The following PDE1B variants were observed in gnomAD, a reference collection of about 807,000 sequenced individuals.
PDE1B encodes phosphodiesterase 1B, also known as dual specificity calcium/calmodulin-dependent 3',5'-cyclic nucleotide phosphodiesterase 1B.
Under a neutral mutation model 66.7 loss-of-function variants are expected in PDE1B, and 13 were observed. The ratio of observed to expected loss-of-function variants is 0.19; its 90% CI spans 0.13 to 0.31. The LOEUF (loss-of-function observed/expected upper bound fraction) is 0.31. Ranked by LOEUF, PDE1B falls within the 10% of genes least tolerant of loss-of-function variation. The pLI is 1.00. For missense variants in PDE1B, 485 were observed against 682.3 expected (o/e 0.71, Z 3.22); for synonymous variants, 230 against 253.9 (o/e 0.91, Z 0.90).
At position 54,575,791 on chromosome 12, in the gene PDE1B, G is replaced by A; in HGVS notation, c.1267+159G>A. On this transcript the variant is annotated intron_variant, in intron 12 of 15. Transcript: ENST00000243052. The surrounding 1 kb of genome is among the most constrained non-coding windows in gnomAD (Gnocchi z 4.0). Reference sequence around the variant, plus strand: ...GGGTCCTGGGTTAGGAGGCCAGGGGGCTGCAATGGCAGGAAGGAGCTCTCT... The same window carrying A: ...GGGTCCTGGGTTAGGAGGCCAGGGGACTGCAATGGCAGGAAGGAGCTCTCT... The A allele has an allele frequency of 8.4e-6, 6 of 717,910 alleles. No homozygotes were observed. Among genetic ancestry groups the A allele is most frequent in the Middle Eastern group, 2.4e-4 (1 of 4,190 alleles). The allele number at this position is 717,910 out of a possible 1,614,324, so 44.5% of individuals were successfully genotyped here. A position where few individuals can be genotyped will look rare whatever the true frequency, so the allele number is the denominator to read the frequency against.
In PDE1B at chr12:54,570,279, C is replaced by G; in HGVS notation, c.516C>G (p.Asn172Lys). ...DLWCFDVFSL[N>K]QAADDHALRT... ...GGTGCTTTGATGTCTTTTCCTTGAA[C>G]CAGGCAGCAGATGACCATGCCCTGA... The change falls in exon 6 of 16, where the codon AAC (asparagine) becomes AAG (lysine). Residue 172 changes from asparagine (N) to lysine (K), a missense_variant. Transcript: ENST00000243052. 6 of 1,613,468 alleles carry G rather than the reference C, an allele frequency of 3.7e-6. No homozygotes were observed. Among genetic ancestry groups the G allele is most frequent in the Non-Finnish European group, 5.1e-6 (6 of 1,179,450 alleles).
chr12:54,573,982 G>T lies in PDE1B; in HGVS notation c.1064+273G>T. The T allele has an allele frequency of 2.1e-6, 1 of 471,110 alleles. No homozygotes were observed. The highest frequency in any genetic ancestry group is 3.8e-6 in the Non-Finnish European group (1 of 261,304). The allele number at this position is 471,110 out of a possible 1,614,324, so 29.2% of individuals were successfully genotyped here. On this transcript the variant is annotated intron_variant, in intron 10 of 15. Transcript: ENST00000243052. This position sits in a 1 kb window ranked among gnomAD's most constrained non-coding sequence, Gnocchi z 5.2. ...GCTTTGGGCTGGGAATCTAAGATGGGGGTTCTCATCGTAGCTCTGGGACAG... is the reference window on the plus strand; with the variant it reads ...GCTTTGGGCTGGGAATCTAAGATGGTGGTTCTCATCGTAGCTCTGGGACAG...
intron 2 of PDE1B, among the ~76,000 whole-genome samples, chr12:54,558,949 C>T (rs1957372812): frequency 6.6e-6 from 1 of 152,188 alleles, no homozygotes; most frequent in Admixed American, 6.5e-5. Flanking sequence ...TTCTGTGAAG[C>T]ATGTATTATT....
intron 2 of PDE1B, among the ~76,000 whole-genome samples, chr12:54,564,953 A>G (rs533451006): frequency 5.9e-5 from 9 of 152,294 alleles, no homozygotes; most frequent in African/African-American, 2.2e-4. Context: ...GGAAATGGCA[A>G]TTCCTTCCCC....
intron 2 of PDE1B, among the ~76,000 whole-genome samples, chr12:54,562,548 A>G (rs894487841): frequency 6.6e-6 from 1 of 152,180 alleles, no homozygotes; most frequent in African/African-American, 2.4e-5. Flanking sequence ...AGATTCCTTG[A>G]TGGCTGAAAC....
chr12:54,550,001 G>A lies in PDE1B; in HGVS notation c.113+16G>A. On this transcript the variant is annotated intron_variant, in intron 2 of 15. Transcript: ENST00000243052. ...TTCGGTCTCTGTAAGTCCCCGGCCC[G>A]GGAATGGGGGGAAGGGACCTTAGGG... 1 of 1,612,392 alleles carries A rather than the reference G, an allele frequency of 6.2e-7. No individual in the cohort carries two copies. Among genetic ancestry groups the A allele is most frequent in the Middle Eastern group, 1.7e-4 (1 of 6,054 alleles).
chr12:54,573,581 AT>A lies in PDE1B; in HGVS notation c.963-25del. ...CTGCCCAGCAGCGCTGAGGGGACTG[AT>A]TGCTTCTCTTTTTATGTCCGCTCAG... On this transcript the variant is annotated intron_variant, in intron 9 of 15. Coordinates refer to ENST00000243052, the MANE Select transcript of PDE1B (RefSeq NM_000924.4). The surrounding 1 kb of genome is among the most constrained non-coding windows in gnomAD (Gnocchi z 5.2). The A allele has an allele frequency of 6.2e-7, 1 of 1,612,416 alleles. No individual in the cohort carries two copies. Among genetic ancestry groups the A allele is most frequent in the South Asian group, 1.1e-5 (1 of 91,032 alleles).
chr12:54,576,490 T>C (rs1957750779), intron 13 of PDE1B, 81 bp from the exon 14 acceptor site: 4 of 1,545,072 alleles, frequency 2.6e-6, no homozygotes, highest in African/African-American at 1.4e-5. Context: ...TGGTCTTCCA[T>C]GTCCTGCACT....
chr12:54,561,790 C>T (rs1957420490), intron 2 of PDE1B, among the ~76,000 whole-genome samples: 1 of 151,234 alleles, frequency 6.6e-6, no homozygotes, highest in Non-Finnish European at 1.5e-5. Flanking sequence ...GTGCGCGTGC[C>T]AACTTCACCT....
intron 2 of PDE1B, chr12:54,561,761 C>T (rs778661397): frequency 4.8e-5 from 21 of 440,402 alleles, no homozygotes; most frequent in African/African-American, 1.8e-4. Context: ...ATGTTTTGTG[C>T]GTGTGTGTGT....
rs891726450 is a variant in PDE1B, at chr12:54,573,794, G to A, written c.1064+85G>A. ...GGGTATACACAAGGGTAGTTGGTGT[G>A]CCAGGTCTTTACCTCGCTGTAGAGA... On this transcript the variant is annotated intron_variant, in intron 10 of 15. Transcript: ENST00000243052. This position sits in a 1 kb window ranked among gnomAD's most constrained non-coding sequence, Gnocchi z 5.2. 6.2e-6 allele frequency: 6 copies of A among 971,366 alleles called. No individual in the cohort carries two copies. Among genetic ancestry groups the A allele is most frequent in the Non-Finnish European group, 8.3e-6 (5 of 603,726 alleles). The allele number at this position is 971,366 out of a possible 1,614,324, so 60.2% of individuals were successfully genotyped here.
intron 3 of PDE1B, among the ~76,000 whole-genome samples, chr12:54,568,156 C>A (rs1032001891): frequency 1.3e-5 from 2 of 152,106 alleles, no homozygotes; most frequent in Non-Finnish European, 2.9e-5. Flanking sequence ...CGCGCCCAGC[C>A]GATATCTCAT....
chr12:54,558,428 C>T (rs1341101594), intron 2 of PDE1B, among the ~76,000 whole-genome samples: 3 of 151,960 alleles, frequency 2.0e-5, no homozygotes, highest in Admixed American at 2.0e-4. Context: ...CCCAGGATGG[C>T]AACCCAGCTT....
At position 54,564,349 on chromosome 12, in the gene PDE1B, A is replaced by T. The variant is rs1382903562; in HGVS notation, c.114-2625A>T. On this transcript the variant is annotated intron_variant, in intron 2 of 15. Coordinates refer to ENST00000243052, the MANE Select transcript of PDE1B (RefSeq NM_000924.4). ...GTCTCTTAAAAAAAAAAAAAAAAGC[A>T]GGCCGGGTGCAGTGGCTCGTGTCTG... 6.0e-5 allele frequency among the ~76,000 whole-genome samples: 9 copies of T among 149,540 alleles called. No individual in the cohort carries two copies. In the South Asian group the frequency reaches 1.1e-3, roughly 17 times the overall value.
At chr12:54,577,446 C>T in intron 15 of PDE1B, 101 bp downstream of exon 15, 1 of 1,606,704 alleles carries the variant, frequency 6.2e-7, no homozygotes. Flanking sequence ...TCTCTCTCCC[C>T]TTTTGAGCAG....
intron 13 of PDE1B, 119 bp from the exon 14 acceptor site, chr12:54,576,452 G>T: frequency 8.5e-7 from 1 of 1,179,224 alleles, no homozygotes. Flanking sequence ...GAGGAAAAGA[G>T]GAAGATGAAG....
At position 54,576,060 on chromosome 12, in the gene PDE1B, C is replaced by T; in HGVS notation, c.1336C>T (p.Pro446Ser). ...TGACGTGGCAGAGAAGAGTGTTCAG[C>T]CCCTGGCGGATGAGGACTCCAAGTC... is the stretch of plus-strand genomic sequence containing the variant. Reference protein sequence around the residue: ...LTDVAEKSVQPLADEDSKSKN... With the variant: ...LTDVAEKSVQSLADEDSKSKN... The change falls in exon 13 of 16, where the codon CCC becomes TCC. Residue 446 changes from proline to serine, a missense_variant. Physicochemically the swap from Pro to Ser is moderately conservative, Grantham distance 74. Coordinates refer to ENST00000243052, the MANE Select transcript of PDE1B (RefSeq NM_000924.4). 6.2e-7 allele frequency: 1 copy of T among 1,613,752 alleles called. No individual in the cohort carries two copies. Among genetic ancestry groups the T allele is most frequent in the Non-Finnish European group, 8.5e-7 (1 of 1,179,626 alleles).
At chr12:54,553,174 AC>A (rs58683995) in intron 2 of PDE1B, among the ~76,000 whole-genome samples, 124,624 of 152,086 alleles carry the variant, frequency 0.82, 51,371 homozygotes, top group Middle Eastern at 0.89. Flanking sequence ...TGCTACACCC[AC>A]CCAAGTGATG....
At chr12:54,552,485 C>A (rs867418016) in intron 2 of PDE1B, among the ~76,000 whole-genome samples, 4 of 152,152 alleles carry the variant, frequency 2.6e-5, no homozygotes, top group Admixed American at 6.5e-5. Context: ...CCCTTCTACC[C>A]TTTTAATTTC....
Sources: gnomAD v4.1 joint callset for allele counts (sites outside exome capture counted in the v4.1 genomes callset) on GRCh38, gnomAD v4.1.1 for gene constraint, Gnocchi (gnomAD v3.1) non-coding constraint, MANE v1.5 for transcripts, NCBI Gene and HGNC (gene_info 2026-07-23, HGNC 2026-07-21) for gene names.